SPART: variants seen among roughly 807,000 people sequenced by gnomAD.
SPART encodes spartin.
SPART carries 35 observed loss-of-function variants against 58.7 expected under a neutral mutation model. The observed-to-expected ratio is 0.60, with a 90% CI of 0.46 to 0.79. The LOEUF (loss-of-function observed/expected upper bound fraction) is 0.79. Ranked by LOEUF, SPART falls within the 30% of genes least tolerant of loss-of-function variation. The probability of loss-of-function intolerance (pLI) is 0.00; values close to 1 mark genes in which losing one functional copy is unlikely to be tolerated. For missense variants in SPART, 730 were observed against 786.1 expected (o/e 0.93, Z 0.85); for synonymous variants, 284 against 280.7 (o/e 1.01, Z -0.12).
At chr13:36,365,987 G>A (rs574345465) in intron 1 of SPART, 10 of 169,276 alleles carry the variant, frequency 5.9e-5, no homozygotes, top group South Asian at 3.3e-4. Context: ...CTGGATTCCT[G>A]CAGTAGCTTC....
intron 1 of SPART, chr13:36,368,423 C>A: frequency 6.3e-6 from 1 of 159,736 alleles, no homozygotes; most frequent in Non-Finnish European, 1.4e-5. Context: ...ATTCTCCAGC[C>A]AATATATTAT....
In SPART at chr13:36,312,352, C is replaced by G; in HGVS notation, c.1609G>C (p.Gly537Arg). ...KDKDGKSPLD[G>R]AMVVAASSVQ... ...CTACTTGCTGCTACAACCATAGCAC[C>G]ATCCAGAGGAGATTTCCCATCTTTG... Residue 537 changes from glycine (G) to arginine (R), a missense_variant, in exon 7 of 9, where the codon GGT becomes CGT. By Grantham distance (125) the Gly-to-Arg change is moderately radical. Coordinates refer to ENST00000438666, the MANE Select transcript of SPART (RefSeq NM_015087.5). 1 of 1,614,094 alleles carries G rather than the reference C, an allele frequency of 6.2e-7. No homozygotes were observed. Among genetic ancestry groups the G allele is most frequent in the Non-Finnish European group, 8.5e-7 (1 of 1,180,018 alleles).
chr13:36,326,355 C>A, intron 5 of SPART: 1 of 544,370 alleles, frequency 1.8e-6, no homozygotes, highest in Non-Finnish European at 3.2e-6. Context: ...TCCATTTTCC[C>A]AATAGTAGAA....
chr13:36,338,596 C>T (rs1283766594), intron 1 of SPART, among the ~76,000 whole-genome samples: 2 of 152,078 alleles, frequency 1.3e-5, no homozygotes, highest in Non-Finnish European at 2.9e-5. Context: ...CTCTACAGCC[C>T]TGAAAGACTG....
chr13:36,331,724 G>A (rs1294998324), intron 2 of SPART, 128 bp from the exon 3 acceptor site: 11 of 707,438 alleles, frequency 1.6e-5, no homozygotes, highest in Non-Finnish European at 2.3e-5. Context: ...ATTTTAAAAG[G>A]CTTTAAGAAA....
At position 36,329,398 on chromosome 13, in the gene SPART, A is replaced by G; in HGVS notation, c.1128T>C (p.Asn376=). 6.2e-7 allele frequency: 1 copy of G among 1,614,118 alleles called. No homozygotes were observed. The highest frequency in any genetic ancestry group is 1.1e-5 in the South Asian group (1 of 91,084). ...GTTTTCCTTTATGACGTACATCCTT[A>G]TTGCCTTGGTCCAACTGTTTCACAT... The part of the protein sequence containing the change: ...GTDVKQLDQG[N]KDVRHKGKRG... The change falls in exon 4 of 9, where the codon AAT becomes AAC. Residue 376 remains asparagine, a synonymous_variant. Transcript: ENST00000438666.
chr13:36,304,499 T>C lies in SPART; in HGVS notation c.1867A>G (p.Thr623Ala), dbSNP rs1880296737. 1 of 1,614,042 alleles carries C rather than the reference T, an allele frequency of 6.2e-7. No individual in the cohort carries two copies. The highest frequency in any genetic ancestry group is 1.1e-5 in the South Asian group (1 of 91,066). ...VKKTATQTGH[T>A]LLEDYQIVDN... ...ACTATCTGATAGTCCTCAAGGAGAGTGTGTCCTGTTTGTGTTGCAGTTTTC... is the reference window on the plus strand; with the variant it reads ...ACTATCTGATAGTCCTCAAGGAGAGCGTGTCCTGTTTGTGTTGCAGTTTTC... The change falls in exon 9 of 9, where the codon ACT becomes GCT. Residue 623 changes from threonine to alanine, a missense_variant. By Grantham distance (58) the Thr-to-Ala change is moderately conservative. Coordinates refer to ENST00000438666, the MANE Select transcript of SPART (RefSeq NM_015087.5).
upstream of SPART, among the ~76,000 whole-genome samples, chr13:36,347,915 T>C (rs914798194): frequency 6.6e-6 from 1 of 152,170 alleles, no homozygotes; most frequent in Non-Finnish European, 1.5e-5. Flanking sequence ...CAGAAGGAAA[T>C]TTTACATCAT....
At chr13:36,313,804 G>GA (rs1881381032) in intron 6 of SPART, among the ~76,000 whole-genome samples, 1 of 152,160 alleles carries the variant, frequency 6.6e-6, no homozygotes, top group South Asian at 2.1e-4. Context: ...ACACAATGAT[G>GA]AAATCACCTA....
At chr13:36,354,223 A>G (rs1297906169) in intron 1 of SPART, among the ~76,000 whole-genome samples, 1 of 152,012 alleles carries the variant, frequency 6.6e-6, no homozygotes, top group Admixed American at 6.6e-5. Context: ...GTTTTTTTCT[A>G]CATCATAAGA....
At chr13:36,340,723 G>T (rs987033019) in intron 1 of SPART, among the ~76,000 whole-genome samples, 12 of 151,804 alleles carry the variant, frequency 7.9e-5, no homozygotes, top group African/African-American at 1.2e-4. Flanking sequence ...CAACAGAAAA[G>T]AATTTTTTAA....
chr13:36,368,133 G>T, intron 1 of SPART: 1 of 444,404 alleles, frequency 2.3e-6, no homozygotes, highest in Non-Finnish European at 4.6e-6. Flanking sequence ...AAAGAGTCGG[G>T]CATATTTTAA....
rs369291291 is a variant in SPART at position 36,304,091 on chromosome 13, C to T, written c.*274G>A. The stretch of plus-strand genomic sequence containing the variant: ...TAACAAGGTTTGAACAACACATGTA[C>T]TATCAGCTTTATTTTACCTGCAAAA... On this transcript the variant is annotated 3_prime_UTR_variant, in exon 9 of 9. Coordinates refer to ENST00000438666, the MANE Select transcript of SPART (RefSeq NM_015087.5). 349 of 496,360 alleles carry T rather than the reference C, an allele frequency of 7.0e-4. No individual in the cohort carries two copies. Among genetic ancestry groups the T allele is most frequent in the African/African-American group, 6.0e-3 (309 of 51,856 alleles). The allele number at this position is 496,360 out of a possible 1,614,324, so 30.7% of individuals were successfully genotyped here.
intron 4 of SPART, among the ~76,000 whole-genome samples, chr13:36,326,925 C>A (rs193099646): frequency 4.9e-4 from 75 of 152,100 alleles, no homozygotes; most frequent in Admixed American, 4.3e-3. Context: ...GATTTAAATA[C>A]CAATATAAGT....
intron 2 of SPART, 132 bp downstream of exon 2, chr13:36,334,889 G>T: frequency 1.4e-6 from 1 of 715,664 alleles, no homozygotes. Context: ...TAATTTCATG[G>T]AATATATTTA....
intron 1 of SPART, among the ~76,000 whole-genome samples, chr13:36,367,827 TAAAATATGTCTG>T (rs1286852560): frequency 6.6e-6 from 1 of 152,178 alleles, no homozygotes; most frequent in African/African-American, 2.4e-5. Context: ...CTAGTTCAAT[TAAAATATGTCTG>T]AGTTTTTGGC....
At chr13:36,311,085 A>G (rs1881039232) in intron 8 of SPART, among the ~76,000 whole-genome samples, 1 of 152,210 alleles carries the variant, frequency 6.6e-6, no homozygotes, top group South Asian at 2.1e-4. Context: ...TAGTAGGAAT[A>G]AACTGGACAC....
At chr13:36,343,540 G>C (rs1027494313) in intron 1 of SPART, among the ~76,000 whole-genome samples, 1 of 152,156 alleles carries the variant, frequency 6.6e-6, no homozygotes, top group African/African-American at 2.4e-5. Flanking sequence ...GTAAAATGCT[G>C]TAAGTTAACC....
Position 36,305,757 on chromosome 13 carries a change from A to G in SPART, c.1734-1125T>C, listed in dbSNP as rs1414310543. Among the ~76,000 whole-genome samples the G allele has an allele frequency of 2.6e-5, 4 of 151,950 alleles. No homozygotes were observed. The East Asian group carries it at 7.8e-4, about 29-fold the overall frequency. On this transcript the variant is annotated intron_variant, in intron 8 of 8. Coordinates refer to ENST00000438666, the MANE Select transcript of SPART (RefSeq NM_015087.5). ...GTTTTACTCTTTACCCCATTTTGGT[A>G]ACAGGCTTTTAAAGCTTTTCTTGTC...
Sources: allele counts gnomAD v4.1 joint callset (sites outside exome capture counted in the v4.1 genomes callset), GRCh38; gene constraint gnomAD v4.1.1; transcripts MANE v1.5; gene names NCBI Gene and HGNC (gene_info 2026-07-23, HGNC 2026-07-21).